Variants in ADAMTS19 observed in about 807,000 individuals in gnomAD.
ADAMTS19 encodes the protein ADAM metallopeptidase with thrombospondin type 1 motif 19.
ADAMTS19 carries 93 observed loss-of-function variants against 153.3 expected under a neutral mutation model. The observed-to-expected ratio is 0.61, with a 90% CI of 0.51 to 0.72. ADAMTS19 has a LOEUF of 0.72. Ranked by LOEUF, ADAMTS19 falls within the 30% of genes least tolerant of loss-of-function variation. The probability of loss-of-function intolerance (pLI) is 0.00; values close to 1 mark genes in which losing one functional copy is unlikely to be tolerated. For synonymous variants in ADAMTS19, 600 were observed against 556.6 expected, an observed-to-expected ratio of 1.08 and a Z score of -1.10; for missense variants, 1,482 against 1,552.1, an observed-to-expected ratio of 0.95 and a Z score of 0.76.
At chr5:129,484,167 T>C (rs1410264714) in intron 2 of ADAMTS19, among the ~76,000 whole-genome samples, 1 of 152,218 alleles carries the variant, frequency 6.6e-6, no homozygotes, top group East Asian at 1.9e-4. Context: ...CTGTTAATCT[T>C]TTAGTCTTTA....
At chr5:129,563,008 A>T (rs569277198) in intron 7 of ADAMTS19, among the ~76,000 whole-genome samples, 33 of 149,994 alleles carry the variant, frequency 2.2e-4, no homozygotes, top group African/African-American at 8.1e-4. Flanking sequence ...AGCAACTGCC[A>T]AAAAGAAGCA....
At chr5:129,494,343 G>GT (rs1451955525) in intron 2 of ADAMTS19, among the ~76,000 whole-genome samples, 1 of 151,910 alleles carries the variant, frequency 6.6e-6, no homozygotes, top group African/African-American at 2.4e-5. Context: ...CTTGATACAT[G>GT]TTTTTGTCAT....
At chr5:129,474,131 T>G (rs1252115257) in intron 2 of ADAMTS19, among the ~76,000 whole-genome samples, 1 of 152,196 alleles carries the variant, frequency 6.6e-6, no homozygotes, top group Non-Finnish European at 1.5e-5. Flanking sequence ...TTGTCTTTCA[T>G]ATAAATGTAA....
rs762516663 is a variant in ADAMTS19 at position 129,684,214 on chromosome 5, A to G, written c.2759A>G (p.Glu920Gly). 16 of 1,614,092 alleles carry G rather than the reference A, an allele frequency of 9.9e-6. No individual in the cohort carries two copies. In the South Asian group the frequency reaches 1.8e-4, roughly 18 times the overall value. The change falls in exon 18 of 23, where the codon GAG becomes GGG. Residue 920 changes from glutamate (E) to glycine (G), a missense_variant. By Grantham distance (98) the Glu-to-Gly change is moderately conservative. Around this residue, in one of 2 missense-constraint regions of ADAMTS19, gnomAD observed 616 missense variants for 724.4 expected, o/e 0.85. Coordinates refer to ENST00000274487, the MANE Select transcript of ADAMTS19 (RefSeq NM_133638.6). ...GAAAACCAGAGCTCTAAAGCACCTG[A>G]GCCCCTCTTCATGTGGACACACACA... ...LPENQSSKAP[E>G]PLFMWTHTSW...
rs1750247751 is a variant in ADAMTS19, at chr5:129,476,966, G to C, written c.747+15209G>C. Among the ~76,000 whole-genome samples, 4 of 151,988 alleles carry C rather than the reference G, an allele frequency of 2.6e-5. No individual in the cohort carries two copies. The South Asian group carries it at 8.3e-4, about 31-fold the overall frequency. On this transcript the variant is annotated intron_variant, in intron 2 of 22. Coordinates refer to ENST00000274487, the MANE Select transcript of ADAMTS19 (RefSeq NM_133638.6). ...AAGTTCTAGTTGCAACTGTTGCCCTGGAAACACTTGGCTCAGGAAGTAAAA... is the reference window on the plus strand; with the variant it reads ...AAGTTCTAGTTGCAACTGTTGCCCTCGAAACACTTGGCTCAGGAAGTAAAA...
intron 15 of ADAMTS19, among the ~76,000 whole-genome samples, chr5:129,662,022 A>C (rs1753835657): frequency 6.6e-6 from 1 of 152,200 alleles, no homozygotes; most frequent in African/African-American, 2.4e-5. Context: ...AGTGTTGGAA[A>C]GTGTTTTTTT....
At chr5:129,684,743 T>G (rs1754998908) in intron 18 of ADAMTS19, among the ~76,000 whole-genome samples, 1 of 152,078 alleles carries the variant, frequency 6.6e-6, no homozygotes, top group Non-Finnish European at 1.5e-5. Context: ...ATCCCAGCAC[T>G]CTGGGAGGCC....
intron 2 of ADAMTS19, among the ~76,000 whole-genome samples, chr5:129,477,418 C>G (rs1750261198): frequency 6.6e-6 from 1 of 152,094 alleles, no homozygotes; most frequent in African/African-American, 2.4e-5. Context: ...TTGATACAAC[C>G]TTCGTATGAG....
intron 20 of ADAMTS19, among the ~76,000 whole-genome samples, chr5:129,702,941 A>AAAAAAAATATAT: frequency 6.8e-5 from 2 of 29,306 alleles, no homozygotes; most frequent in Non-Finnish European, 8.6e-5. Context: ...AAAAAAAAAA[A>AAAAAAAATATAT]ATATATATAT....
rs549367973 is a variant in ADAMTS19 at position 129,571,669 on chromosome 5, G to T, written c.1372+19762G>T. On this transcript the variant is annotated intron_variant, in intron 7 of 22. Transcript: ENST00000274487. Reference sequence around the variant, plus strand: ...GCTTTTTTGTAGATATAGACAAGATGATTCTAAAATTTATATGCAACTGAA... The same window carrying T: ...GCTTTTTTGTAGATATAGACAAGATTATTCTAAAATTTATATGCAACTGAA... 1.9e-4 allele frequency among the ~76,000 whole-genome samples: 29 copies of T among 151,774 alleles called. No individual in the cohort carries two copies. In the South Asian group the frequency reaches 4.8e-3, roughly 25 times the overall value.
chr5:129,712,335 G>T (rs200949896), intron 21 of ADAMTS19, among the ~76,000 whole-genome samples: 1 of 152,064 alleles, frequency 6.6e-6, no homozygotes, highest in East Asian at 1.9e-4. Context: ...CCTATCCCAA[G>T]ATATCCTAAA....
rs201726494 is a variant in ADAMTS19, at chr5:129,549,996, A to ATC, written c.1329-1866_1329-1865dup. On this transcript the variant is annotated intron_variant, in intron 6 of 22. Coordinates refer to ENST00000274487, the MANE Select transcript of ADAMTS19 (RefSeq NM_133638.6). Reference sequence around the variant, plus strand: ...TACATATACATGTATCTGTATATGTATCTAGATATACATATACATGTATAT... The same window carrying ATC: ...TACATATACATGTATCTGTATATGTATCTCTAGATATACATATACATGTATAT... Among the ~76,000 whole-genome samples the ATC allele has an allele frequency of 3.7e-3, 523 of 139,476 alleles. 15 individuals are homozygous for ATC. Among genetic ancestry groups the ATC allele is most frequent in the African/African-American group, 0.013 (472 of 37,652 alleles). The allele number at this position is 139,476 out of a possible 152,430, so 91.5% of individuals were successfully genotyped here. A position where few individuals can be genotyped will look rare whatever the true frequency, so the allele number is the denominator to read the frequency against.
At chr5:129,488,265 G>A (rs934521214) in intron 2 of ADAMTS19, among the ~76,000 whole-genome samples, 2 of 152,014 alleles carry the variant, frequency 1.3e-5, no homozygotes, top group Non-Finnish European at 2.9e-5. Flanking sequence ...TGTACAAATT[G>A]TTCACATATG....
intron 8 of ADAMTS19, among the ~76,000 whole-genome samples, 186 bp from the exon 9 acceptor site, chr5:129,620,432 G>A (rs1261528165): frequency 6.6e-6 from 1 of 151,772 alleles, no homozygotes. Flanking sequence ...CCTTAAATTG[G>A]GGTAACAAAA....
intron 14 of ADAMTS19, among the ~76,000 whole-genome samples, chr5:129,655,782 T>C (rs1309683584): frequency 6.6e-6 from 1 of 152,210 alleles, no homozygotes. Context: ...CTTTCTCAGC[T>C]CTGAGATTCC....
At chr5:129,566,908 C>T (rs1425895981) in intron 7 of ADAMTS19, among the ~76,000 whole-genome samples, 4 of 151,882 alleles carry the variant, frequency 2.6e-5, no homozygotes, top group Non-Finnish European at 4.4e-5. Context: ...TCTGCTTGTA[C>T]GTGGAAACAG....
At chr5:129,536,542 A>C (rs529877904) in intron 6 of ADAMTS19, among the ~76,000 whole-genome samples, 2 of 152,268 alleles carry the variant, frequency 1.3e-5, no homozygotes, top group South Asian at 4.2e-4. Flanking sequence ...TAACATTTGA[A>C]CCAGCCTTCC....
chr5:129,587,258 GA>G (rs201919425), intron 7 of ADAMTS19, among the ~76,000 whole-genome samples: 3,650 of 151,144 alleles, frequency 0.024, 113 homozygotes, highest in African/African-American at 0.078. Flanking sequence ...ATGTCTGTTT[GA>G]TTTTTTTTAT....
intron 6 of ADAMTS19, 116 bp from the exon 7 acceptor site, chr5:129,551,748 C>A (rs904376463): frequency 3.3e-6 from 2 of 602,220 alleles, no homozygotes; most frequent in Admixed American, 3.7e-5. Flanking sequence ...TTATTAGATT[C>A]TTGGAGATGA....
Sources: allele counts gnomAD v4.1 joint callset (sites outside exome capture counted in the v4.1 genomes callset), GRCh38; gene constraint gnomAD v4.1.1; regional missense constraint gnomAD v4.1.1; transcripts MANE v1.5; gene names NCBI Gene and HGNC (gene_info 2026-07-23, HGNC 2026-07-21).